Variants in NR5A1 observed in about 807,000 individuals in gnomAD.
The protein encoded by NR5A1 is steroidogenic factor 1.
Under a neutral mutation model 42.7 loss-of-function variants are expected in NR5A1, and 6 were observed. The ratio of observed to expected loss-of-function variants is 0.14; its 90% CI spans 0.08 to 0.28. NR5A1 has a LOEUF of 0.28. Among genes scored for constraint, NR5A1 ranks in the 10% least tolerant of loss-of-function variants. NR5A1 has a pLI of 1.00. For synonymous variants in NR5A1, 274 were observed against 277.5 expected, an observed-to-expected ratio of 0.99 and a Z score of 0.12; for missense variants, 442 against 626.4, an observed-to-expected ratio of 0.71 and a Z score of 3.14.
Position 124,482,597 on chromosome 9 carries a change from C to T in NR5A1, c.*161G>A, listed in dbSNP as rs1292866392. 1 of 846,228 alleles carries T rather than the reference C, an allele frequency of 1.2e-6. No individual in the cohort carries two copies. Among genetic ancestry groups the T allele is most frequent in the Admixed American group, 2.3e-5 (1 of 43,648 alleles). 52.4% of individuals were successfully genotyped at this position (846,228 alleles called of 1,614,324 possible). The stretch of plus-strand genomic sequence containing the variant: ...CCAGCCTCACCCACCTTCCCAAACA[C>T]ACAGTGTCAGAACTCAGGGGCAGCG... On this transcript the variant is annotated 3_prime_UTR_variant, in exon 7 of 7. Transcript: ENST00000373588.
At chr9:124,489,825 G>C (rs1368607767) in intron 6 of NR5A1, among the ~76,000 whole-genome samples, 1 of 150,630 alleles carries the variant, frequency 6.6e-6, no homozygotes, top group African/African-American at 2.5e-5. Flanking sequence ...GCTTAAGGTG[G>C]CCTTGCAGAT....
At chr9:124,497,005 C>T (rs1415961275) in intron 4 of NR5A1, among the ~76,000 whole-genome samples, 1 of 152,192 alleles carries the variant, frequency 6.6e-6, no homozygotes, top group Admixed American at 6.5e-5. Context: ...CAAAGTGACC[C>T]TCAGACGGTC....
chr9:124,483,775 C>G (rs1294326580), intron 6 of NR5A1, among the ~76,000 whole-genome samples: 1 of 152,234 alleles, frequency 6.6e-6, no homozygotes, highest in Non-Finnish European at 1.5e-5. Flanking sequence ...AGTATCCCAT[C>G]TCATGCTGCA....
rs997521970 is a variant in NR5A1, at chr9:124,501,728, G to A, written c.245-1013C>T. ...CTGGCACTAGGGGCATGGGCTCTGG[G>A]GACAGGACAGGATGTCCCCTCTCCC... On this transcript the variant is annotated intron_variant, in intron 3 of 6. Coordinates refer to ENST00000373588, the MANE Select transcript of NR5A1 (RefSeq NM_004959.5). The surrounding 1 kb of genome is among the most constrained non-coding windows in gnomAD (Gnocchi z 4.1). Among the ~76,000 whole-genome samples, 9 of 152,156 alleles carry A rather than the reference G, an allele frequency of 5.9e-5. No individual in the cohort carries two copies. The highest frequency in any genetic ancestry group is 1.9e-4 in the African/African-American group (8 of 41,424).
At chr9:124,485,398 G>A (rs767552246) in intron 6 of NR5A1, among the ~76,000 whole-genome samples, 36 of 152,098 alleles carry the variant, frequency 2.4e-4, no homozygotes, top group Non-Finnish European at 4.0e-4. Context: ...CCAGGAGAGC[G>A]CCACGCTCCT....
At position 124,496,063 on chromosome 9, in the gene NR5A1, C is replaced by T. The variant is rs139631011; in HGVS notation, c.871-2914G>A. On this transcript the variant is annotated intron_variant, in intron 4 of 6. Transcript: ENST00000373588. The surrounding 1 kb of genome is among the most constrained non-coding windows in gnomAD (Gnocchi z 5.0). The stretch of plus-strand genomic sequence containing the variant: ...TGTTGGTTCTTACGTGGATGCTGCC[C>T]GGCCGGGATCCCACCTGCCCCTTGG... 8.5e-5 allele frequency among the ~76,000 whole-genome samples: 13 copies of T among 152,234 alleles called. No homozygotes were observed. In the East Asian group the frequency reaches 2.1e-3, roughly 25 times the overall value.
intron 5 of NR5A1, 146 bp from the exon 6 acceptor site, chr9:124,491,374 G>C: frequency 1.5e-6 from 1 of 652,936 alleles, no homozygotes. Flanking sequence ...CCTTGGTGCC[G>C]AGCCAGGCAC....
At position 124,500,387 on chromosome 9, in the gene NR5A1, A is replaced by G; in HGVS notation, c.573T>C (p.Arg191=). The change falls in exon 4 of 7, where the codon CGT becomes CGC. Residue 191 remains arginine, a synonymous_variant. Transcript: ENST00000373588. This position sits in a 1 kb window ranked among gnomAD's most constrained non-coding sequence, Gnocchi z 6.9. ...AGYLYPAFPG[R]AIKSEYPEPY... is the part of the protein sequence containing the mutation. The stretch of plus-strand genomic sequence containing the variant: ...GCTCCGGGTACTCAGACTTGATGGC[A>G]CGGCCAGGAAAGGCAGGGTAGAGGT... 1.3e-6 allele frequency: 2 copies of G among 1,558,816 alleles called. No individual in the cohort carries two copies. Among genetic ancestry groups the G allele is most frequent in the Non-Finnish European group, 1.7e-6 (2 of 1,152,008 alleles).
rs369097872 is a variant in NR5A1, at chr9:124,491,140, G to A, written c.1079C>T (p.Ala360Val). Residue 360 changes from alanine to valine, a missense_variant, in exon 6 of 7, where the codon GCG becomes GTG. Physicochemically the swap from Ala to Val is moderately conservative, Grantham distance 64. Coordinates refer to ENST00000373588, the MANE Select transcript of NR5A1 (RefSeq NM_004959.5). ...AAACTCCTGCCGGTCCAGCTGCAGC[G>A]CAAGCAGCTGCAGCACCAGCTCCTG... ...RAQELVLQLL[A>V]LQLDRQEFVC... 5.0e-6 allele frequency: 8 copies of A among 1,607,806 alleles called. No homozygotes were observed. Among genetic ancestry groups the A allele is most frequent in the East Asian group, 2.2e-5 (1 of 44,778 alleles).
intron 4 of NR5A1, among the ~76,000 whole-genome samples, chr9:124,499,520 G>A (rs2131285952): frequency 6.6e-6 from 1 of 152,328 alleles, no homozygotes; most frequent in African/African-American, 2.4e-5. Flanking sequence ...GAAGGAGAAT[G>A]GCCCACAAAT....
rs879911122 is a variant in NR5A1, at chr9:124,504,051, A to AGAGAG, written c.-15-642_-15-641insCTCTC. On this transcript the variant is annotated intron_variant, in intron 1 of 6. Transcript: ENST00000373588. ...GAGAGAGAGAGAGAGAGAGAGAGAG[A>AGAGAG]CGAGAGAGAGAGAGAGAGAGAGAAA... Among the ~76,000 whole-genome samples the AGAGAG allele has an allele frequency of 7.1e-3, 905 of 126,586 alleles. 107 individuals carry two copies. Among genetic ancestry groups the AGAGAG allele is most frequent in the African/African-American group, 0.029 (715 of 24,258 alleles). The allele number at this position is 126,586 out of a possible 152,430, so 83.0% of individuals were successfully genotyped here.
intron 6 of NR5A1, among the ~76,000 whole-genome samples, chr9:124,485,006 G>C (rs903351120): frequency 2.0e-5 from 3 of 152,176 alleles, no homozygotes; most frequent in African/African-American, 7.2e-5. Context: ...ACGTGGATTC[G>C]AATCCCAGCC....
At chr9:124,504,482 C>A (rs1588624235) in intron 1 of NR5A1, among the ~76,000 whole-genome samples, 1 of 151,890 alleles carries the variant, frequency 6.6e-6, no homozygotes, top group Admixed American at 6.5e-5. Flanking sequence ...CAACGGGAGG[C>A]GCAGCCCGAG....
In NR5A1 at chr9:124,500,267, C is replaced by T. The variant is rs569473249; in HGVS notation, c.693G>A (p.Leu231=). ...PNVPELILQL[L]QLEPDEDQVR... is the part of the protein sequence containing the mutation. The stretch of plus-strand genomic sequence containing the variant: ...CCTGGTCCTCATCCGGCTCCAGCTG[C>T]AGCAGCTGCAGGATGAGCTCAGGCA... The change falls in exon 4 of 7, where the codon CTG becomes CTA. Residue 231 remains leucine (L), a synonymous_variant. Transcript: ENST00000373588. The surrounding 1 kb of genome is among the most constrained non-coding windows in gnomAD (Gnocchi z 6.9). 1 of 1,585,598 alleles carries T rather than the reference C, an allele frequency of 6.3e-7. No homozygotes were observed. Among genetic ancestry groups the T allele is most frequent in the South Asian group, 1.1e-5 (1 of 87,834 alleles).
chr9:124,485,506 G>C (rs1026669306), intron 6 of NR5A1, among the ~76,000 whole-genome samples: 7 of 152,248 alleles, frequency 4.6e-5, no homozygotes, highest in Admixed American at 3.3e-4. Context: ...GGGGGTGGAC[G>C]GCAGGACCTG....
chr9:124,482,713 GCCCCCAGTCCCGCCCCCAGTCCC>G lies in NR5A1; in HGVS notation c.*22_*44del. 5.5e-6 allele frequency: 1 copy of G among 182,272 alleles called. No homozygotes were observed. The allele number at this position is 182,272 out of a possible 1,614,324, so 11.3% of individuals were successfully genotyped here. Reference sequence around the variant, plus strand: ...GTGGCTGCGGCCCCGCCCAGGCCCCGCCCCCAGTCCCGCCCCCAGTCCCGGCCCCGCCCCCGGCCCAGGCTCAA... The same window carrying G: ...GTGGCTGCGGCCCCGCCCAGGCCCCGGGCCCCGCCCCCGGCCCAGGCTCAA... On this transcript the variant is annotated 3_prime_UTR_variant, in exon 7 of 7. Coordinates refer to ENST00000373588, the MANE Select transcript of NR5A1 (RefSeq NM_004959.5).
At chr9:124,491,321 A>T in intron 5 of NR5A1, 93 bp from the exon 6 acceptor site, 1 of 1,021,074 alleles carries the variant, frequency 9.8e-7, no homozygotes, top group Non-Finnish European at 1.4e-6. Flanking sequence ...GAGGGCATGG[A>T]TTGGAGGTGC....
chr9:124,486,059 G>A (rs1263452865), intron 6 of NR5A1, among the ~76,000 whole-genome samples: 1 of 152,148 alleles, frequency 6.6e-6, no homozygotes, highest in Non-Finnish European at 1.5e-5. Context: ...GGCTTTACCG[G>A]GATTTACTGT....
At chr9:124,483,471 A>G (rs1460596070) in intron 6 of NR5A1, among the ~76,000 whole-genome samples, 1 of 152,302 alleles carries the variant, frequency 6.6e-6, no homozygotes, top group East Asian at 1.9e-4. Context: ...GAATTTAGGG[A>G]GCCGCTGTGT....
Sources: gnomAD v4.1 joint callset for allele counts (sites outside exome capture counted in the v4.1 genomes callset) on GRCh38, gnomAD v4.1.1 for gene constraint, Gnocchi (gnomAD v3.1) non-coding constraint, MANE v1.5 for transcripts, NCBI Gene and HGNC (gene_info 2026-07-23, HGNC 2026-07-21) for gene names.